CXADR: variants seen among roughly 807,000 people sequenced by gnomAD.
CXADR encodes the protein CXADR cell adhesion molecule, also known as coxsackievirus and adenovirus receptor.
In CXADR, 20 loss-of-function variants were observed where a neutral mutation model predicts 40.3. That is an observed-to-expected ratio of 0.50 (90% CI 0.35 to 0.72). CXADR has a LOEUF of 0.72. CXADR is among the 30% of genes least tolerant of loss of function. The pLI, the probability that CXADR is intolerant of heterozygous loss-of-function variation, is 0.01. For synonymous variants in CXADR, 150 were observed against 161.3 expected, an observed-to-expected ratio of 0.93 and a Z score of 0.53; for missense variants, 332 against 449.1, an observed-to-expected ratio of 0.74 and a Z score of 2.36.
chr21:17,610,739 T>C, the CXADR span, among the ~76,000 whole-genome samples: 1 of 152,246 alleles, frequency 6.6e-6, no homozygotes, highest in Non-Finnish European at 1.5e-5. Context: ...ATTAAAAACA[T>C]ACAGCCTCTG....
chr21:17,620,156 G>A, the CXADR span, among the ~76,000 whole-genome samples: 1 of 152,286 alleles, frequency 6.6e-6, no homozygotes, highest in East Asian at 1.9e-4. Flanking sequence ...CTACCTTTCA[G>A]CCTGTCTCGA....
At chr21:17,534,100 A>ATATATTTTTTTTT (rs1179683085) in intron 1 of CXADR, among the ~76,000 whole-genome samples, 1 of 60,070 alleles carries the variant, frequency 1.7e-5, no homozygotes, top group African/African-American at 8.9e-5. Flanking sequence ...ATATATATAT[A>ATATATTTTTTTTT]TTTTTTTTTT....
intron 3 of CXADR, among the ~76,000 whole-genome samples, chr21:17,554,147 C>T (rs1169368358): frequency 6.6e-6 from 1 of 152,154 alleles, no homozygotes; most frequent in Non-Finnish European, 1.5e-5. Flanking sequence ...CACATATTCC[C>T]AGAAGAGTTG....
rs557801491 is a variant in CXADR, at chr21:17,567,770, C to T, written c.*2078C>T. 7.7e-5 allele frequency: 69 copies of T among 891,272 alleles called. 1 individual carries two copies. The South Asian group carries it at 2.4e-3, about 31-fold the overall frequency. The allele number at this position is 891,272 out of a possible 1,614,324, so 55.2% of individuals were successfully genotyped here. A position where few individuals can be genotyped will look rare whatever the true frequency, so the allele number is the denominator to read the frequency against. On this transcript the variant is annotated 3_prime_UTR_variant, in exon 7 of 7. Coordinates refer to ENST00000284878, the MANE Select transcript of CXADR (RefSeq NM_001338.5). ...GAACATTAATAATAAAGTTTTGGTTCTTCCTATTCCTGACTTTCATATAAT... is the reference window on the plus strand; with the variant it reads ...GAACATTAATAATAAAGTTTTGGTTTTTCCTATTCCTGACTTTCATATAAT...
At chr21:17,596,271 A>G (rs1367394600), downstream of CXADR, among the ~76,000 whole-genome samples, 6 of 152,074 alleles carry the variant, frequency 3.9e-5, no homozygotes, top group Non-Finnish European at 8.8e-5. Context: ...TTTGATGAAC[A>G]AAAAGATGAT....
At chr21:17,618,721 G>A in the CXADR span, among the ~76,000 whole-genome samples, 1 of 152,064 alleles carries the variant, frequency 6.6e-6, no homozygotes, top group Non-Finnish European at 1.5e-5. Flanking sequence ...ATTTTTAGAA[G>A]AGACAGGGTT....
At chr21:17,585,367 T>C (rs2061387393) in intron 7 of CXADR, among the ~76,000 whole-genome samples, 1 of 152,100 alleles carries the variant, frequency 6.6e-6, no homozygotes, top group African/African-American at 2.4e-5. Flanking sequence ...AAGAAAACAT[T>C]CCATGTTTTC....
At chr21:17,592,625 G>C (rs905830699) in intron 7 of CXADR, among the ~76,000 whole-genome samples, 4 of 151,620 alleles carry the variant, frequency 2.6e-5, no homozygotes, top group African/African-American at 9.7e-5. Context: ...GACTCTGAAA[G>C]TAATTTTTTT....
chr21:17,568,691 A>T lies in CXADR; in HGVS notation c.*2999A>T, dbSNP rs2061246964. 2.4e-5 allele frequency: 24 copies of T among 984,854 alleles called. No homozygotes were observed. The highest frequency in any genetic ancestry group is 2.8e-5 in the Non-Finnish European group (23 of 829,894). 61.0% of individuals were successfully genotyped at this position (984,854 alleles called of 1,614,324 possible). On this transcript the variant is annotated 3_prime_UTR_variant, in exon 7 of 7. Coordinates refer to ENST00000284878, the MANE Select transcript of CXADR (RefSeq NM_001338.5). Reference sequence around the variant, plus strand: ...CAGGTGTGAGCCGCAGCATCCAGCCAGTTCTGTACTTTGAATATGGAGTAG... The same window carrying T: ...CAGGTGTGAGCCGCAGCATCCAGCCTGTTCTGTACTTTGAATATGGAGTAG...
intron 1 of CXADR, among the ~76,000 whole-genome samples, chr21:17,532,645 A>G (rs1181476018): frequency 6.7e-6 from 1 of 149,956 alleles, no homozygotes; most frequent in African/African-American, 2.4e-5. Flanking sequence ...AGGCACTGCT[A>G]AATGCCTTTT....
chr21:17,590,804 C>T (rs1601068614), intron 7 of CXADR, among the ~76,000 whole-genome samples: 1 of 152,166 alleles, frequency 6.6e-6, no homozygotes, highest in East Asian at 1.9e-4. Context: ...TATGTGTGAT[C>T]TTTCCATGTA....
chr21:17,519,780 G>A (rs1343296920), intron 1 of CXADR, among the ~76,000 whole-genome samples: 1 of 152,114 alleles, frequency 6.6e-6, no homozygotes, highest in African/African-American at 2.4e-5. Context: ...CCAACATGGT[G>A]AAACCCTGTC....
the CXADR span, among the ~76,000 whole-genome samples, chr21:17,618,803 A>G: frequency 6.6e-6 from 1 of 152,162 alleles, no homozygotes. Flanking sequence ...ACAAAGTGCT[A>G]GGATTACAAG....
chr21:17,514,071 C>T (rs909724811), intron 1 of CXADR, among the ~76,000 whole-genome samples: 4 of 152,182 alleles, frequency 2.6e-5, no homozygotes, highest in Admixed American at 2.6e-4. Context: ...ACGGATTTTC[C>T]ATGTCGGTGT....
chr21:17,583,769 G>A (rs1331213827), intron 7 of CXADR, among the ~76,000 whole-genome samples: 1 of 152,216 alleles, frequency 6.6e-6, no homozygotes, highest in Non-Finnish European at 1.5e-5. Context: ...TTAAAATTCA[G>A]CACTATCCTA....
intron 1 of CXADR, among the ~76,000 whole-genome samples, chr21:17,541,318 C>T (rs934054824): frequency 6.6e-6 from 1 of 151,914 alleles, no homozygotes; most frequent in Non-Finnish European, 1.5e-5. Flanking sequence ...TTTGGGAGGC[C>T]GAGGCGGGCG....
At chr21:17,598,411 T>C (rs2061531079), downstream of CXADR, among the ~76,000 whole-genome samples, 1 of 152,206 alleles carries the variant, frequency 6.6e-6, no homozygotes, top group Non-Finnish European at 1.5e-5. Flanking sequence ...ATCCTAGTTA[T>C]TGTATAGTGA....
At chr21:17,541,077 G>GC (rs1229764721) in intron 1 of CXADR, among the ~76,000 whole-genome samples, 8 of 151,394 alleles carry the variant, frequency 5.3e-5, no homozygotes, top group Admixed American at 2.0e-4. Flanking sequence ...TTGTCAACAC[G>GC]CCCCCCACCA....
At chr21:17,553,107 G>A (rs1455708955) in intron 3 of CXADR, among the ~76,000 whole-genome samples, 2 of 152,028 alleles carry the variant, frequency 1.3e-5, no homozygotes, top group Admixed American at 1.3e-4. Flanking sequence ...ATGTTTAGTA[G>A]AAACAGTGTT....
Sources: allele counts gnomAD v4.1 joint callset (sites outside exome capture counted in the v4.1 genomes callset), GRCh38; gene constraint gnomAD v4.1.1; transcripts MANE v1.5; gene names NCBI Gene and HGNC (gene_info 2026-07-23, HGNC 2026-07-21).